Variants in TEX35 observed in about 807,000 individuals in gnomAD.
TEX35 encodes testis expressed 35.
TEX35 carries 26 observed loss-of-function variants against 31.9 expected under a neutral mutation model. The observed-to-expected ratio is 0.81, with a 90% CI of 0.60 to 1.13. TEX35 has a LOEUF of 1.13. Ranked by LOEUF, TEX35 falls within the 50% of genes most tolerant of loss-of-function variation. TEX35 has a pLI of 0.00. For missense variants in TEX35, 278 were observed against 273.5 expected (o/e 1.02, Z -0.12); for synonymous variants, 87 against 90.7 (o/e 0.96, Z 0.23).
At chr1:178,521,940 T>A (rs1245621321) in intron 8 of TEX35, 1 of 1,174,162 alleles carries the variant, frequency 8.5e-7, no homozygotes, top group Non-Finnish European at 1.2e-6. Context: ...GGTGGGAAAT[T>A]ACATCTTAGT....
chr1:178,522,639 T>C lies in TEX35; in HGVS notation c.*199T>C. The C allele has an allele frequency of 4.0e-6, 5 of 1,265,436 alleles. No homozygotes were observed. The highest frequency in any genetic ancestry group is 5.0e-6 in the Non-Finnish European group (5 of 1,006,082). The allele number at this position is 1,265,436 out of a possible 1,614,324, so 78.4% of individuals were successfully genotyped here. Reference sequence around the variant, plus strand: ...GCTGCTTCTACCATCTAATAAATAATTGGCCAAGTTCTTTTTTTTTGGAAT... The same window carrying C: ...GCTGCTTCTACCATCTAATAAATAACTGGCCAAGTTCTTTTTTTTTGGAAT... On this transcript the variant is annotated 3_prime_UTR_variant, in exon 9 of 9. Transcript: ENST00000319416.
At position 178,515,844 on chromosome 1, in the gene TEX35, A is replaced by G. The variant is rs1252368794; in HGVS notation, c.160-15A>G. ...TATTTCTTTCCTCCTTCTCTTCTCC[A>G]TTTTATTTCCTCAGAATGAACTCAG... is the stretch of plus-strand genomic sequence containing the variant. On this transcript the variant is annotated splice_polypyrimidine_tract_variant and intron_variant, in intron 3 of 8. Transcript: ENST00000319416. 1 of 1,605,036 alleles carries G rather than the reference A, an allele frequency of 6.2e-7. No individual in the cohort carries two copies. Among genetic ancestry groups the G allele is most frequent in the Non-Finnish European group, 8.5e-7 (1 of 1,173,858 alleles).
In TEX35 at chr1:178,515,913, CA is replaced by C; in HGVS notation, c.215del (p.Gln72ArgfsTer2). The C allele has an allele frequency of 6.2e-7, 1 of 1,611,440 alleles. No homozygotes were observed. On this transcript the variant is annotated frameshift_variant and splice_region_variant, in exon 4 of 9. Coordinates refer to ENST00000319416, the MANE Select transcript of TEX35 (RefSeq NM_032126.5). LOFTEE classifies it high-confidence loss of function. ...CAAGGAGAAAATGGAGGAGATAAAA[CA>C]GGTAAGAAGATGAGGCCTTCCATAT... ...ELKEKMEEIK[Q>X]IKDLMDKDFD... is the part of the protein sequence containing the mutation.
At position 178,513,157 on chromosome 1, in the gene TEX35, G is replaced by A. The variant is rs750711515; in HGVS notation, c.-32G>A. On this transcript the variant is annotated 5_prime_UTR_variant, in exon 1 of 9. Coordinates refer to ENST00000319416, the MANE Select transcript of TEX35 (RefSeq NM_032126.5). Reference sequence around the variant, plus strand: ...TGGCCTGGTCCCAGGGGCTGTTGTGGGGAGTTGAAGAACACCCTGGCCTCC... The same window carrying A: ...TGGCCTGGTCCCAGGGGCTGTTGTGAGGAGTTGAAGAACACCCTGGCCTCC... 4 of 1,612,914 alleles carry A rather than the reference G, an allele frequency of 2.5e-6. No individual in the cohort carries two copies. In the South Asian group the frequency reaches 3.3e-5, roughly 13 times the overall value.
rs753327874 is a variant in TEX35 at position 178,522,335 on chromosome 1, T to G, written c.597T>G (p.Pro199=). The change falls in exon 9 of 9, where the codon CCT becomes CCG. Residue 199 remains proline, a synonymous_variant. Coordinates refer to ENST00000319416, the MANE Select transcript of TEX35 (RefSeq NM_032126.5). ...CCTCCACCCCCAAAGGGAACATTCC[T>G]TCAGAGGCCTCAGGCCTTTACAAAG... ...LKNNYNRGNI[P]SEASGLYKGG... is the part of the protein sequence containing the mutation. 9 of 1,599,336 alleles carry G rather than the reference T, an allele frequency of 5.6e-6. No individual in the cohort carries two copies. Among genetic ancestry groups the G allele is most frequent in the Non-Finnish European group, 7.7e-6 (9 of 1,172,070 alleles).
At chr1:178,515,534 G>A (rs191330079) in intron 3 of TEX35, among the ~76,000 whole-genome samples, 106 of 152,090 alleles carry the variant, frequency 7.0e-4, no homozygotes, top group Middle Eastern at 6.8e-3. Flanking sequence ...ATGCCTGTAG[G>A]TCCCACTATC....
In TEX35 at chr1:178,516,648, C is replaced by A. The variant is rs1317014772; in HGVS notation, c.250C>A (p.Leu84Ile). 4.3e-6 allele frequency: 7 copies of A among 1,613,294 alleles called. No individual in the cohort carries two copies. Among genetic ancestry groups the A allele is most frequent in the Non-Finnish European group, 5.9e-6 (7 of 1,179,614 alleles). ...KDLMDKDFDK[L>I]HEFVEIMKEM... ...TCTAATGGACAAGGATTTTGATAAA[C>A]TTCACGAATTTGTGGAAATTATGAA... Residue 84 changes from leucine (L) to isoleucine (I), a missense_variant, in exon 5 of 9, where the codon CTT becomes ATT. Transcript: ENST00000319416.
At chr1:178,518,647 G>A (rs1418930491) in intron 5 of TEX35, among the ~76,000 whole-genome samples, 1 of 152,066 alleles carries the variant, frequency 6.6e-6, no homozygotes, top group Non-Finnish European at 1.5e-5. Context: ...AAAAAGACTG[G>A]AAAGAAATAT....
intron 4 of TEX35, among the ~76,000 whole-genome samples, chr1:178,516,375 T>C (rs1050462787): frequency 2.0e-5 from 3 of 152,244 alleles, no homozygotes; most frequent in Non-Finnish European, 2.9e-5. Flanking sequence ...AAGCTCCACA[T>C]GCAGTCTTGC....
chr1:178,522,824 T>C (rs1255674068), downstream of TEX35, among the ~76,000 whole-genome samples: 2 of 152,184 alleles, frequency 1.3e-5, no homozygotes, highest in Non-Finnish European at 2.9e-5. Flanking sequence ...AACAATCCAG[T>C]TACGCTCTAA....
intron 5 of TEX35, among the ~76,000 whole-genome samples, chr1:178,519,225 C>T (rs1650182395): frequency 6.6e-6 from 1 of 151,750 alleles, no homozygotes. Flanking sequence ...CTGAAAGATG[C>T]ACTGAGGGAA....
At position 178,520,429 on chromosome 1, in the gene TEX35, T is replaced by G. The variant is rs2101897445; in HGVS notation, c.334T>G (p.Tyr112Asp). ...CATTTTAATAAATACACAGAAGAAC[T>G]ATAAGCTGTAAGTGTAACCTGCACT... ...MDILINTQKNYKLPLRRAPKE... is the reference protein window; with the variant it reads ...MDILINTQKNDKLPLRRAPKE... The change falls in exon 6 of 9, where the codon TAT becomes GAT. Residue 112 changes from tyrosine (Y) to aspartate (D), a missense_variant. By Grantham distance (160) the Tyr-to-Asp change is radical. Coordinates refer to ENST00000319416, the MANE Select transcript of TEX35 (RefSeq NM_032126.5). 2 of 1,614,066 alleles carry G rather than the reference T, an allele frequency of 1.2e-6. No homozygotes were observed. The highest frequency in any genetic ancestry group is 1.1e-5 in the South Asian group (1 of 91,054).
intron 1 of TEX35, 29 bp from the exon 2 acceptor site, chr1:178,513,998 G>T (rs780908611): frequency 7.4e-6 from 12 of 1,612,186 alleles, no homozygotes; most frequent in South Asian, 1.1e-5. Flanking sequence ...ATGTCTGCCA[G>T]CCTGAATCTC....
Position 178,514,071 on chromosome 1 carries a change from G to A in TEX35, c.84G>A (p.Pro28=), listed in dbSNP as rs149128325. 18 of 1,614,104 alleles carry A rather than the reference G, an allele frequency of 1.1e-5. No homozygotes were observed. Among genetic ancestry groups the A allele is most frequent in the East Asian group, 2.2e-5 (1 of 44,894 alleles). ...KAVCLELKPE[P]TKTFDYKAVK... ...TTTGCCTGGAATTGAAGCCAGAGCC[G>A]ACCAAAGTAAGAAGCCCTTTTGAGG... Residue 28 remains proline (P), a synonymous_variant, in exon 2 of 9, where the codon CCG becomes CCA. Transcript: ENST00000319416.
intron 7 of TEX35, 35 bp downstream of exon 7, chr1:178,520,909 C>A (rs971093501): frequency 2.5e-6 from 4 of 1,611,356 alleles, no homozygotes; most frequent in Non-Finnish European, 3.4e-6. Context: ...AGCACTGGTG[C>A]CAGACCCCTG....
chr1:178,522,684 T>C (rs1280713242), downstream of TEX35: 1 of 1,207,476 alleles, frequency 8.3e-7, no homozygotes, highest in Non-Finnish European at 1.0e-6. Context: ...ATGGTTAATT[T>C]TGTGGGTTCA....
chr1:178,513,837 G>A lies in TEX35; in HGVS notation c.40-190G>A, dbSNP rs554032346. On this transcript the variant is annotated intron_variant, in intron 1 of 8. Coordinates refer to ENST00000319416, the MANE Select transcript of TEX35 (RefSeq NM_032126.5). ...CACGCCCATAGGAAGAGGACAGCACGACAAGATGTGATTTGTTAGGAATCG... is the reference window on the plus strand; with the variant it reads ...CACGCCCATAGGAAGAGGACAGCACAACAAGATGTGATTTGTTAGGAATCG... 4.6e-5 allele frequency among the ~76,000 whole-genome samples: 7 copies of A among 152,350 alleles called. No homozygotes were observed. In the South Asian group the frequency reaches 8.3e-4, roughly 18 times the overall value.
rs1400868136 is a variant in TEX35 at position 178,522,025 on chromosome 1, G to C, written c.587-300G>C. 4 of 688,248 alleles carry C rather than the reference G, an allele frequency of 5.8e-6. No individual in the cohort carries two copies. In the Admixed American group the frequency reaches 1.2e-4, roughly 21 times the overall value. The allele number at this position is 688,248 out of a possible 1,614,324, so 42.6% of individuals were successfully genotyped here. A position where few individuals can be genotyped will look rare whatever the true frequency, so the allele number is the denominator to read the frequency against. On this transcript the variant is annotated intron_variant, in intron 8 of 8. Transcript: ENST00000319416. The stretch of plus-strand genomic sequence containing the variant: ...GCAAACGTCCCAGGTCATAGCATGG[G>C]GAGGGCCCCTGATGATAGCGGACGC...
Position 178,521,225 on chromosome 1 carries a change from A to G in TEX35, c.547A>G (p.Lys183Glu). 1 of 1,614,174 alleles carries G rather than the reference A, an allele frequency of 6.2e-7. No individual in the cohort carries two copies. Among genetic ancestry groups the G allele is most frequent in the Non-Finnish European group, 8.5e-7 (1 of 1,180,032 alleles). ...GTGCCGTTTCTGTCCTCTGCAGGAG[A>G]AATGTTTGTTGTGTGCTCTAAAGAA... is the stretch of plus-strand genomic sequence containing the variant. ...PLHHCGTCCE[K>E]CLLCALKNNY... Residue 183 changes from lysine (K) to glutamate (E), a missense_variant, in exon 8 of 9, where the codon AAA (lysine) becomes GAA (glutamate). Physicochemically the swap from Lys to Glu is moderately conservative, Grantham distance 56 (BLOSUM62 1). Coordinates refer to ENST00000319416, the MANE Select transcript of TEX35 (RefSeq NM_032126.5).
Sources: allele counts gnomAD v4.1 joint callset (sites outside exome capture counted in the v4.1 genomes callset), GRCh38; gene constraint gnomAD v4.1.1; transcripts MANE v1.5; gene names NCBI Gene and HGNC (gene_info 2026-07-23, HGNC 2026-07-21).